PTPRD: variants seen among roughly 807,000 people sequenced by gnomAD.
The protein encoded by PTPRD is protein tyrosine phosphatase receptor type D, also known as receptor-type tyrosine-protein phosphatase delta.
Under a neutral mutation model 214.5 loss-of-function variants are expected in PTPRD, and 34 were observed. The observed-to-expected ratio is 0.16, with a 90% CI of 0.12 to 0.21. The LOEUF (loss-of-function observed/expected upper bound fraction) is 0.21. PTPRD is among the 10% of genes least tolerant of loss of function. The pLI, the probability that PTPRD is intolerant of heterozygous loss-of-function variation, is 1.00. For synonymous variants in PTPRD, 1,128 were observed against 845.7 expected, an observed-to-expected ratio of 1.33 and a Z score of -5.79; for missense variants, 2,545 against 2,398.7, an observed-to-expected ratio of 1.06 and a Z score of -1.27.
intron 11 of PTPRD, among the ~76,000 whole-genome samples, chr9:8,881,745 C>T (rs541224648): frequency 5.4e-4 from 82 of 152,084 alleles, no homozygotes; most frequent in African/African-American, 1.4e-3. Flanking sequence ...GAAGAAGCAG[C>T]GGAGAAAAAG....
intron 12 of PTPRD, among the ~76,000 whole-genome samples, chr9:8,688,421 C>T (rs532319152): frequency 5.3e-5 from 8 of 151,944 alleles, no homozygotes; most frequent in Admixed American, 2.0e-4. Flanking sequence ...CAAAATTAGC[C>T]GGGCGTGGTG....
intron 14 of PTPRD, among the ~76,000 whole-genome samples, chr9:8,591,254 C>A (rs1053499760): frequency 6.6e-6 from 1 of 152,180 alleles, no homozygotes; most frequent in Admixed American, 6.5e-5. Flanking sequence ...ACATAGTCAT[C>A]ACAAGGTTCC....
chr9:9,888,132 C>A (rs563103733), intron 5 of PTPRD, among the ~76,000 whole-genome samples: 5 of 152,142 alleles, frequency 3.3e-5, no homozygotes, highest in African/African-American at 1.2e-4. Flanking sequence ...GATCAAATCT[C>A]TCACCAGTTC....
intron 7 of PTPRD, among the ~76,000 whole-genome samples, chr9:9,595,298 A>ATATATATAATATATAT (rs2093203269): frequency 7.3e-6 from 1 of 136,150 alleles, no homozygotes; most frequent in African/African-American, 3.1e-5. Flanking sequence ...TTATATATAT[A>ATATATATAATATATAT]TATATATATA....
intron 8 of PTPRD, among the ~76,000 whole-genome samples, chr9:9,458,736 T>C (rs559294777): frequency 1.3e-5 from 2 of 152,110 alleles, no homozygotes; most frequent in African/African-American, 4.8e-5. Context: ...AGTCCAGGAA[T>C]CCTAGACCTG....
chr9:9,237,734 C>G (rs2099967784), intron 9 of PTPRD, among the ~76,000 whole-genome samples: 1 of 152,044 alleles, frequency 6.6e-6, no homozygotes, highest in Non-Finnish European at 1.5e-5. Context: ...TCTATTTGAT[C>G]CTGCATCTCC....
At chr9:10,067,826 A>G (rs1230024624) in intron 3 of PTPRD, among the ~76,000 whole-genome samples, 1 of 151,874 alleles carries the variant, frequency 6.6e-6, no homozygotes, top group African/African-American at 2.4e-5. Context: ...TAAATGTTTA[A>G]TAACTATCTC....
chr9:9,426,751 T>C (rs2081100937), intron 8 of PTPRD, among the ~76,000 whole-genome samples: 1 of 152,058 alleles, frequency 6.6e-6, no homozygotes, highest in South Asian at 2.1e-4. Context: ...CGTTCTGCAA[T>C]ATTCACTGTT....
intron 9 of PTPRD, among the ~76,000 whole-genome samples, chr9:9,326,998 C>T (rs1351440366): frequency 1.3e-5 from 2 of 152,012 alleles, no homozygotes; most frequent in Non-Finnish European, 2.9e-5. Flanking sequence ...AAATAAGCCA[C>T]AAAGCTAAAG....
intron 5 of PTPRD, among the ~76,000 whole-genome samples, chr9:9,881,744 G>A (rs1010607955): frequency 3.3e-5 from 5 of 152,120 alleles, no homozygotes; most frequent in African/African-American, 7.2e-5. Flanking sequence ...CCAGGGTTCT[G>A]CAGCTGGATT....
chr9:10,309,612 A>C (rs1450130708), intron 3 of PTPRD, among the ~76,000 whole-genome samples: 1 of 150,066 alleles, frequency 6.7e-6, no homozygotes, highest in Non-Finnish European at 1.5e-5. Flanking sequence ...TGATCTGCCC[A>C]CCTCAGCCTA....
rs150558277 is a variant in PTPRD at position 8,317,097 on chromosome 9, C to CTGAAG, written c.*772_*776dup. 0.099 allele frequency: 22,901 copies of CTGAAG among 231,534 alleles called. 2,106 individuals are homozygous for CTGAAG. Among genetic ancestry groups the CTGAAG allele is most frequent in the African/African-American group, 0.29 (12,901 of 45,138 alleles). 14.3% of individuals were successfully genotyped at this position (231,534 alleles called of 1,614,324 possible). Reference sequence around the variant, plus strand: ...ATGGGTACTTTCTCACCAATCAAAACTGAAGTGTAAAATTAATATATCTGA... The same window carrying CTGAAG: ...ATGGGTACTTTCTCACCAATCAAAACTGAAGTGAAGTGTAAAATTAATATATCTGA... On this transcript the variant is annotated 3_prime_UTR_variant, in exon 46 of 46. Coordinates refer to ENST00000381196, the MANE Select transcript of PTPRD (RefSeq NM_002839.4).
At chr9:10,339,329 A>G (rs979927018) in intron 3 of PTPRD, among the ~76,000 whole-genome samples, 27 of 151,908 alleles carry the variant, frequency 1.8e-4, no homozygotes, top group East Asian at 5.8e-4. Context: ...TACAATCAAA[A>G]TGCTTTAGCA....
intron 9 of PTPRD, among the ~76,000 whole-genome samples, chr9:9,303,567 G>C (rs974980710): frequency 1.8e-4 from 27 of 150,902 alleles, no homozygotes; most frequent in African/African-American, 6.7e-4. Context: ...CTGTGATGTG[G>C]TTATGTGGAT....
At chr9:10,329,514 T>A (rs193257243) in intron 3 of PTPRD, among the ~76,000 whole-genome samples, 1 of 151,896 alleles carries the variant, frequency 6.6e-6, no homozygotes, top group Non-Finnish European at 1.5e-5. Flanking sequence ...CTACTTGCAC[T>A]TCTGATAGGT....
At chr9:8,719,690 G>GA (rs2098471795) in intron 12 of PTPRD, among the ~76,000 whole-genome samples, 1 of 149,894 alleles carries the variant, frequency 6.7e-6, no homozygotes, top group Non-Finnish European at 1.5e-5. Context: ...GAATAGCTGT[G>GA]ATAGAGACCC....
intron 8 of PTPRD, among the ~76,000 whole-genome samples, chr9:9,537,173 G>T (rs17178151): frequency 0.22 from 32,900 of 151,690 alleles, 3,976 homozygotes; most frequent in Non-Finnish European, 0.26. Flanking sequence ...GAAGGTGGAG[G>T]GTTCTTACCT....
intron 11 of PTPRD, among the ~76,000 whole-genome samples, chr9:9,006,519 C>G (rs7851907): frequency 0.81 from 122,684 of 151,952 alleles, 49,898 homozygotes; most frequent in Middle Eastern, 0.92. Flanking sequence ...GTGACTTCTT[C>G]TTAAAATGGA....
At chr9:9,789,796 C>CA (rs774579667) in intron 5 of PTPRD, among the ~76,000 whole-genome samples, 2,521 of 40,624 alleles carry the variant, frequency 0.062, 137 homozygotes, top group Non-Finnish European at 0.09. Flanking sequence ...AACTCTGTCT[C>CA]AAAAAAAAAA....
Sources: allele counts gnomAD v4.1 joint callset (sites outside exome capture counted in the v4.1 genomes callset), GRCh38; gene constraint gnomAD v4.1.1; transcripts MANE v1.5; gene names NCBI Gene and HGNC (gene_info 2026-07-23, HGNC 2026-07-21).